ZC3HC1: variants seen among roughly 807,000 people sequenced by gnomAD.
ZC3HC1 encodes the protein zinc finger C3HC-type protein 1.
Under a neutral mutation model 61.9 loss-of-function variants are expected in ZC3HC1, and 38 were observed. The ratio of observed to expected loss-of-function variants is 0.61; its 90% CI spans 0.47 to 0.81. The LOEUF (loss-of-function observed/expected upper bound fraction) is 0.81. ZC3HC1 is among the 30% of genes least tolerant of loss of function. The pLI, the probability that ZC3HC1 is intolerant of heterozygous loss-of-function variation, is 0.00. For synonymous variants in ZC3HC1, 213 were observed against 229.9 expected (o/e 0.93, Z 0.67); for missense variants, 554 against 622.7 (o/e 0.89, Z 1.17).
intron 4 of ZC3HC1, among the ~76,000 whole-genome samples, chr7:130,031,396 C>T (rs532312707): frequency 1.3e-5 from 2 of 151,844 alleles, no homozygotes; most frequent in South Asian, 4.2e-4. Flanking sequence ...TAGCAGTCAC[C>T]GGAGAGCACA....
chr7:130,022,559 G>A, intron 8 of ZC3HC1, 34 bp from the exon 9 acceptor site: 2 of 1,601,564 alleles, frequency 1.2e-6, no homozygotes, highest in South Asian at 1.1e-5. Flanking sequence ...GCATTCATAG[G>A]TAGATGCTAT....
intron 2 of ZC3HC1, among the ~76,000 whole-genome samples, chr7:130,048,757 G>A (rs1315620463): frequency 2.0e-5 from 3 of 152,016 alleles, no homozygotes; most frequent in African/African-American, 7.2e-5. Flanking sequence ...GGTCAAGATC[G>A]AATGTGATAA....
intron 4 of ZC3HC1, among the ~76,000 whole-genome samples, chr7:130,029,545 A>G (rs1794084499): frequency 6.6e-6 from 1 of 152,168 alleles, no homozygotes; most frequent in African/African-American, 2.4e-5. Context: ...CATATTTTTT[A>G]TATTTTGAAA....
intron 2 of ZC3HC1, among the ~76,000 whole-genome samples, chr7:130,048,641 G>T (rs992343246): frequency 2.6e-5 from 4 of 152,082 alleles, no homozygotes; most frequent in Non-Finnish European, 5.9e-5. Flanking sequence ...TCCTGGATCT[G>T]CCATTTGCTA....
intron 2 of ZC3HC1, 55 bp from the exon 3 acceptor site, chr7:130,041,156 G>GTT: frequency 1.7e-6 from 2 of 1,195,048 alleles, no homozygotes; most frequent in South Asian, 1.6e-5. Context: ...GTGTGTGTAT[G>GTT]TGTGTGTGTG....
At chr7:130,028,320 T>A (rs538646485) in intron 5 of ZC3HC1, among the ~76,000 whole-genome samples, 10 of 151,500 alleles carry the variant, frequency 6.6e-5, no homozygotes, top group Non-Finnish European at 1.2e-4. Flanking sequence ...GGCAGGTGGA[T>A]CACCTGAGGT....
chr7:130,023,556 AG>A lies in ZC3HC1; in HGVS notation c.1187del (p.Pro396LeufsTer37). 2 of 1,614,164 alleles carry A rather than the reference AG, an allele frequency of 1.2e-6. No individual in the cohort carries two copies. The highest frequency in any genetic ancestry group is 1.7e-6 in the Non-Finnish European group (2 of 1,180,046). ...GGCGAGCTCGCTTGGCTTTCCGCAG[AG>A]GGCTAGATGGTACCTCCAGGCCAGG... Reference protein sequence around the residue: ...DTPGLEVPSSPLRKAKRARLC... With the variant: ...DTPGLEVPSSXLRKAKRARLC... On this transcript the variant is annotated frameshift_variant, in exon 8 of 10. Transcript: ENST00000358303. LOFTEE classifies it high-confidence loss of function. This position sits in a 1 kb window ranked among gnomAD's most constrained non-coding sequence, Gnocchi z 4.2.
intron 8 of ZC3HC1, 147 bp from the exon 9 acceptor site, chr7:130,022,672 T>C (rs566435922): frequency 1.1e-5 from 9 of 855,638 alleles, no homozygotes; most frequent in South Asian, 1.0e-4. Flanking sequence ...CTACACATTT[T>C]CCTCTCATTT....
chr7:130,025,894 A>AAG (rs1793884667), intron 6 of ZC3HC1, among the ~76,000 whole-genome samples: 1 of 147,786 alleles, frequency 6.8e-6, no homozygotes, highest in Non-Finnish European at 1.5e-5. Context: ...AAAAAAAAAA[A>AAG]GAGAACACAA....
intron 2 of ZC3HC1, among the ~76,000 whole-genome samples, chr7:130,045,850 C>T (rs1157656329): frequency 7.2e-6 from 1 of 139,610 alleles, no homozygotes. Flanking sequence ...AAGATCACAC[C>T]AGTGCACTCC....
intron 5 of ZC3HC1, chr7:130,026,989 AATT>A (rs1563076345): frequency 1.3e-5 from 2 of 150,784 alleles, no homozygotes; most frequent in Non-Finnish European, 3.0e-5. Context: ...AAAAAAAAAA[AATT>A]AAAGAAAAAA....
At chr7:130,026,063 C>A in intron 6 of ZC3HC1, 95 bp downstream of exon 6, 1 of 1,403,092 alleles carries the variant, frequency 7.1e-7, no homozygotes. Context: ...TCACGGGAAA[C>A]ACCATGTGAT....
At chr7:130,031,544 G>A (rs1376591906) in intron 4 of ZC3HC1, among the ~76,000 whole-genome samples, 1 of 152,108 alleles carries the variant, frequency 6.6e-6, no homozygotes, top group Non-Finnish European at 1.5e-5. Context: ...ATGATCATTG[G>A]CAACTGTTTA....
chr7:130,019,817 T>TG (rs1793554894), intron 9 of ZC3HC1, among the ~76,000 whole-genome samples: 1 of 141,136 alleles, frequency 7.1e-6, no homozygotes, highest in Non-Finnish European at 1.6e-5. Context: ...AGGTTTTTTT[T>TG]TTTTTTTTTT....
chr7:130,022,685 T>C (rs761969543), intron 8 of ZC3HC1, among the ~76,000 whole-genome samples, 160 bp from the exon 9 acceptor site: 2 of 152,164 alleles, frequency 1.3e-5, no homozygotes, highest in Non-Finnish European at 2.9e-5. Context: ...TCTCATTTTC[T>C]TTATTTTTTC....
rs564155815 is a variant in ZC3HC1, at chr7:130,026,438, C to T, written c.622-126G>A. On this transcript the variant is annotated intron_variant, in intron 5 of 9. Transcript: ENST00000358303. Reference sequence around the variant, plus strand: ...AAATTACAAACATGAAGATACTTCTCTTCACAGAGAACAAAATACTTCCAG... The same window carrying T: ...AAATTACAAACATGAAGATACTTCTTTTCACAGAGAACAAAATACTTCCAG... 23 of 983,520 alleles carry T rather than the reference C, an allele frequency of 2.3e-5. No homozygotes were observed. The South Asian group carries it at 3.8e-4, about 16-fold the overall frequency. 60.9% of individuals were successfully genotyped at this position (983,520 alleles called of 1,614,324 possible). A position where few individuals can be genotyped will look rare whatever the true frequency, so the allele number is the denominator to read the frequency against.
rs749614749 is a variant in ZC3HC1 at position 130,040,932 on chromosome 7, A to G, written c.409+19T>C. The G allele has an allele frequency of 1.9e-6, 3 of 1,598,716 alleles. No homozygotes were observed. Among genetic ancestry groups the G allele is most frequent in the Admixed American group, 3.6e-5 (2 of 55,848 alleles). On this transcript the variant is annotated intron_variant, in intron 3 of 9. Transcript: ENST00000358303. The stretch of plus-strand genomic sequence containing the variant: ...ATATTTGAGTGTGGAGAAAAATGTA[A>G]TTTGTACCTTATACTTACATCTGTC...
rs762015727 is a variant in ZC3HC1, at chr7:130,041,014, T to C, written c.346A>G (p.Lys116Glu). 5 of 1,613,884 alleles carry C rather than the reference T, an allele frequency of 3.1e-6. No individual in the cohort carries two copies. The East Asian group carries it at 1.1e-4, about 36-fold the overall frequency. The change falls in exon 3 of 10, where the codon AAG (lysine) becomes GAG (glutamate). Residue 116 changes from lysine to glutamate, a missense_variant. Coordinates refer to ENST00000358303, the MANE Select transcript of ZC3HC1 (RefSeq NM_016478.5). ...GWVTVECDML[K>E]CSSCQAFLCA... ...AGAAAAGCTTGACAGCTAGAGCACT[T>C]GAGCATATCACATTCCACTGTGACC...
chr7:130,045,543 C>A, intron 2 of ZC3HC1: 1 of 457,424 alleles, frequency 2.2e-6, no homozygotes, highest in Non-Finnish European at 4.4e-6. Context: ...CAGTGGAAAA[C>A]AAGTGGCAAT....
Sources: allele counts gnomAD v4.1 joint callset (sites outside exome capture counted in the v4.1 genomes callset), GRCh38; gene constraint gnomAD v4.1.1; non-coding constraint Gnocchi (gnomAD v3.1); transcripts MANE v1.5; gene names NCBI Gene and HGNC (gene_info 2026-07-23, HGNC 2026-07-21).